Variants in PTPRF observed in about 807,000 individuals in gnomAD.
PTPRF encodes the protein protein tyrosine phosphatase receptor type F.
Under a neutral mutation model 201.8 loss-of-function variants are expected in PTPRF, and 59 were observed. That is an observed-to-expected ratio of 0.29 (90% confidence interval 0.24 to 0.36). The LOEUF (loss-of-function observed/expected upper bound fraction) is 0.36, where lower values mean the gene tolerates loss of function less well. Ranked by LOEUF, PTPRF falls within the 10% of genes least tolerant of loss-of-function variation. The probability of loss-of-function intolerance (pLI) is 1.00; values close to 1 mark genes in which losing one functional copy is unlikely to be tolerated. For synonymous variants in PTPRF, 1,088 were observed against 1,089.7 expected (o/e 1.00, Z 0.03); for missense variants, 2,132 against 2,690.5 (o/e 0.79, Z 4.59).
At chr1:43,569,300 C>T (rs1321091947) in intron 5 of PTPRF, among the ~76,000 whole-genome samples, 3 of 148,400 alleles carry the variant, frequency 2.0e-5, no homozygotes, top group African/African-American at 7.5e-5. Context: ...TCTCGTTCTT[C>T]TCAGGGCCTG....
chr1:43,533,989 G>A (rs546715968), intron 1 of PTPRF, among the ~76,000 whole-genome samples: 47 of 152,298 alleles, frequency 3.1e-4, no homozygotes, highest in African/African-American at 1.1e-3. Flanking sequence ...GTTCTGAGTT[G>A]GGTTAGAACA....
chr1:43,597,279 G>A (rs1290813878), intron 11 of PTPRF, among the ~76,000 whole-genome samples: 1 of 152,100 alleles, frequency 6.6e-6, no homozygotes, highest in Non-Finnish European at 1.5e-5. Flanking sequence ...CACTGTATAT[G>A]TGTGACACTG....
intron 2 of PTPRF, among the ~76,000 whole-genome samples, chr1:43,539,589 C>T (rs993779874): frequency 7.2e-5 from 11 of 152,158 alleles, no homozygotes; most frequent in East Asian, 3.9e-4. Flanking sequence ...CCAGACCCTA[C>T]GTTTGGTGAG....
At chr1:43,586,504 G>A (rs1308130010) in intron 7 of PTPRF, among the ~76,000 whole-genome samples, 2 of 152,344 alleles carry the variant, frequency 1.3e-5, no homozygotes, top group Non-Finnish European at 2.9e-5. Context: ...GCCATGCCCC[G>A]GGATCCACCT....
chr1:43,617,878 G>A lies in PTPRF; in HGVS notation c.4338G>A (p.Val1446=), dbSNP rs1658250176. Residue 1446 remains valine (V), a synonymous_variant, in exon 25 of 34, where the codon GTG becomes GTA. Coordinates refer to ENST00000359947, the MANE Select transcript of PTPRF (RefSeq NM_002840.5). ...RMVWEQRTAT[V]VMMTRLEEKS... Reference sequence around the variant, plus strand: ...TGTGGGAACAGCGCACGGCCACTGTGGTCATGATGACACGGCTGGAGGAGA... The same window carrying A: ...TGTGGGAACAGCGCACGGCCACTGTAGTCATGATGACACGGCTGGAGGAGA... 5 of 1,612,814 alleles carry A rather than the reference G, an allele frequency of 3.1e-6. No homozygotes were observed. The Admixed American group carries it at 6.7e-5, about 22-fold the overall frequency.
At position 43,617,535 on chromosome 1, in the gene PTPRF, G is replaced by A. The variant is rs1658166488; in HGVS notation, c.4162G>A (p.Asp1388Asn). ...CCGCTATGCGAATGTCATCGCCTAC[G>A]ACCACTCTCGAGTCATCCTTACCTC... is the stretch of plus-strand genomic sequence containing the variant. ...KNRYANVIAYDHSRVILTSID... is the reference protein window; with the variant it reads ...KNRYANVIAYNHSRVILTSID... Residue 1388 changes from aspartate (D) to asparagine (N), a missense_variant, in exon 24 of 34, where the codon GAC (aspartate) becomes AAC (asparagine). Physicochemically the swap from Asp to Asn is conservative, Grantham distance 23. Around this residue, in one of 6 missense-constraint regions of PTPRF, gnomAD observed 818 missense variants for 915.3 expected, o/e 0.89. Transcript: ENST00000359947. 6 of 1,613,922 alleles carry A rather than the reference G, an allele frequency of 3.7e-6. No homozygotes were observed. The highest frequency in any genetic ancestry group is 2.2e-5 in the East Asian group (1 of 44,880).
chr1:43,538,067 T>G (rs1446777383), intron 1 of PTPRF, 131 bp from the exon 2 acceptor site: 1 of 394,912 alleles, frequency 2.5e-6, no homozygotes, highest in Non-Finnish European at 4.5e-6. Flanking sequence ...TGGGGATGGT[T>G]CTACATGAAC....
At chr1:43,524,051 A>C (rs1274866549), upstream of PTPRF, among the ~76,000 whole-genome samples, 1 of 3,190 alleles carries the variant, frequency 3.1e-4, no homozygotes, top group African/African-American at 7.8e-4. Flanking sequence ...AGACTCTGTC[A>C]AAAAAAAAAA....
At chr1:43,616,045 G>A (rs1056048858) in intron 23 of PTPRF, among the ~76,000 whole-genome samples, 15 of 152,090 alleles carry the variant, frequency 9.9e-5, no homozygotes, top group South Asian at 4.2e-4. Flanking sequence ...GAATAGTACC[G>A]ACAGGCGTGC....
At chr1:43,610,048 C>A (rs1193625634) in intron 22 of PTPRF, among the ~76,000 whole-genome samples, 1 of 152,190 alleles carries the variant, frequency 6.6e-6, no homozygotes, top group Non-Finnish European at 1.5e-5. Context: ...CAACACCCAG[C>A]AGACACAGCT....
chr1:43,602,965 C>A (rs981289282), intron 14 of PTPRF, among the ~76,000 whole-genome samples: 2 of 152,182 alleles, frequency 1.3e-5, no homozygotes, highest in Non-Finnish European at 2.9e-5. Context: ...CCCATCCTGC[C>A]ACCTTGCTCT....
intron 6 of PTPRF, among the ~76,000 whole-genome samples, chr1:43,578,183 G>T (rs1336583139): frequency 6.6e-6 from 1 of 152,248 alleles, no homozygotes; most frequent in Non-Finnish European, 1.5e-5. Context: ...AGGAGCCGTG[G>T]TGGGTCGAAG....
intron 7 of PTPRF, among the ~76,000 whole-genome samples, chr1:43,581,021 C>T (rs1040121606): frequency 1.3e-5 from 2 of 152,250 alleles, no homozygotes; most frequent in African/African-American, 4.8e-5. Flanking sequence ...GTTACACTGG[C>T]CCCAGCCCTG....
At chr1:43,534,090 G>A (rs950646215) in intron 1 of PTPRF, among the ~76,000 whole-genome samples, 6 of 152,176 alleles carry the variant, frequency 3.9e-5, no homozygotes, top group African/African-American at 1.4e-4. Context: ...TGTGAACTAG[G>A]TTTGGAGGGA....
intron 2 of PTPRF, among the ~76,000 whole-genome samples, chr1:43,543,984 G>T (rs1323290367): frequency 1.3e-5 from 2 of 152,222 alleles, no homozygotes; most frequent in Non-Finnish European, 2.9e-5. Flanking sequence ...ACCCTGGGGA[G>T]CTCACCAGTG....
In PTPRF at chr1:43,542,816, C is replaced by G. The variant is rs1009604293; in HGVS notation, c.-45-2215C>G. On this transcript the variant is annotated intron_variant, in intron 2 of 33. Transcript: ENST00000359947. The surrounding 1 kb of genome is among the most constrained non-coding windows in gnomAD (Gnocchi z 5.2). Reference sequence around the variant, plus strand: ...CGTTATACTGCTATGATTACTGCACCAAGGCGGCTACAGGGGATTAAGCCT... The same window carrying G: ...CGTTATACTGCTATGATTACTGCACGAAGGCGGCTACAGGGGATTAAGCCT... 6.6e-6 allele frequency among the ~76,000 whole-genome samples: 1 copy of G among 152,158 alleles called. No homozygotes were observed. Among genetic ancestry groups the G allele is most frequent in the African/African-American group, 2.4e-5 (1 of 41,424 alleles).
chr1:43,551,631 C>T (rs921012343), intron 3 of PTPRF, among the ~76,000 whole-genome samples: 9 of 152,172 alleles, frequency 5.9e-5, no homozygotes, highest in Non-Finnish European at 1.2e-4. Context: ...GGCTCCATGC[C>T]TGCATCCCTC....
intron 3 of PTPRF, among the ~76,000 whole-genome samples, chr1:43,551,071 G>A (rs943758531): frequency 3.9e-5 from 6 of 152,140 alleles, no homozygotes; most frequent in Admixed American, 6.5e-5. Context: ...TTGATAGGGC[G>A]GGGTGTCGGG....
chr1:43,605,097 A>G, intron 17 of PTPRF, 93 bp from the exon 18 acceptor site: 4 of 1,573,578 alleles, frequency 2.5e-6, no homozygotes, highest in Non-Finnish European at 3.5e-6. Context: ...GCTGTGGAGC[A>G]GGAATGTGGT....
Sources: allele counts gnomAD v4.1 joint callset (sites outside exome capture counted in the v4.1 genomes callset), GRCh38; gene constraint gnomAD v4.1.1; regional missense constraint gnomAD v4.1.1; non-coding constraint Gnocchi (gnomAD v3.1); transcripts MANE v1.5; gene names NCBI Gene and HGNC (gene_info 2026-07-23, HGNC 2026-07-21).